The following ARMH4 variants were observed in gnomAD, a reference collection of about 807,000 sequenced individuals.
The protein encoded by ARMH4 is armadillo-like helical domain-containing protein 4.
A neutral mutation model predicts 61.9 loss-of-function variants in ARMH4; 49 were observed. The observed-to-expected ratio is 0.79, with a 90% CI of 0.63 to 1.00. The LOEUF (loss-of-function observed/expected upper bound fraction) is 1.00, where lower values mean the gene tolerates loss of function less well. ARMH4 is among the 50% of genes least tolerant of loss of function. ARMH4 has a pLI of 0.00. For synonymous variants in ARMH4, 368 were observed against 341.5 expected, an observed-to-expected ratio of 1.08 and a Z score of -0.85; for missense variants, 934 against 930.0, an observed-to-expected ratio of 1.00 and a Z score of -0.06.
chr14:58,111,903 G>A (rs1046362009), intron 4 of ARMH4, among the ~76,000 whole-genome samples: 1 of 151,870 alleles, frequency 6.6e-6, no homozygotes, highest in Admixed American at 6.6e-5. Context: ...TCGGTGACCA[G>A]GCTGGTCTCA....
chr14:58,107,389 A>T (rs1028822777), intron 4 of ARMH4, among the ~76,000 whole-genome samples: 1 of 152,134 alleles, frequency 6.6e-6, no homozygotes, highest in South Asian at 2.1e-4. Context: ...TCTTTTGCCT[A>T]TTTATTCATG....
chr14:58,082,230 T>A (rs1885251516), intron 5 of ARMH4, among the ~76,000 whole-genome samples: 3 of 152,200 alleles, frequency 2.0e-5, no homozygotes, highest in Non-Finnish European at 4.4e-5. Context: ...TTCCTTTTCC[T>A]CAAATACAGT....
intron 5 of ARMH4, among the ~76,000 whole-genome samples, chr14:58,031,587 G>A (rs1015492515): frequency 6.6e-6 from 1 of 152,148 alleles, no homozygotes; most frequent in African/African-American, 2.4e-5. Context: ...ACTTGTGCGA[G>A]GTTTTATACT....
chr14:58,119,844 A>C (rs1886663625), intron 4 of ARMH4, among the ~76,000 whole-genome samples: 1 of 152,194 alleles, frequency 6.6e-6, no homozygotes, highest in African/African-American at 2.4e-5. Context: ...GGTTGATTGC[A>C]CGGCTATAAA....
intron 5 of ARMH4, among the ~76,000 whole-genome samples, chr14:58,049,238 CAA>C (rs535936500): frequency 1.4e-4 from 9 of 64,012 alleles, no homozygotes; most frequent in Non-Finnish European, 2.3e-4. Flanking sequence ...GACTCCGTCC[CAA>C]AAAAAAAAAA....
chr14:58,097,782 C>G (rs1391589594), intron 4 of ARMH4, among the ~76,000 whole-genome samples: 1 of 151,498 alleles, frequency 6.6e-6, no homozygotes, highest in Non-Finnish European at 1.5e-5. Context: ...CATGGTTCAC[C>G]ACAGTCTCAG....
At position 58,004,286 on chromosome 14, in the gene ARMH4, T is replaced by C. The variant is rs1286790751; in HGVS notation, c.*450A>G. 1 of 154,550 alleles carries C rather than the reference T, an allele frequency of 6.5e-6. No homozygotes were observed. The highest frequency in any genetic ancestry group is 6.4e-5 in the Admixed American group (1 of 15,706). 9.6% of individuals were successfully genotyped at this position (154,550 alleles called of 1,614,324 possible). On this transcript the variant is annotated 3_prime_UTR_variant, in exon 8 of 8. Coordinates refer to ENST00000267485, the MANE Select transcript of ARMH4 (RefSeq NM_001001872.4). Reference sequence around the variant, plus strand: ...GTATGTACCATGGCCCACAACCCTGTGGTTTCAAGTAGGTAGAGTATATCT... The same window carrying C: ...GTATGTACCATGGCCCACAACCCTGCGGTTTCAAGTAGGTAGAGTATATCT...
intron 5 of ARMH4, among the ~76,000 whole-genome samples, chr14:58,042,498 G>A (rs905766468): frequency 2.6e-5 from 4 of 152,022 alleles, no homozygotes; most frequent in Non-Finnish European, 1.5e-5. Context: ...GAGAAAGCAG[G>A]AAAGATCTAA....
Position 58,003,245 on chromosome 14 carries a change from G to C in ARMH4, c.*1491C>G, listed in dbSNP as rs1345647664. ...CACCAAAGTCTATGAAAAGGTTACT[G>C]AACTGAAGATAAGGGTGCATGGCTG... On this transcript the variant is annotated 3_prime_UTR_variant, in exon 8 of 8. Transcript: ENST00000267485. 2 of 152,210 alleles carry C rather than the reference G, an allele frequency of 1.3e-5. No individual in the cohort carries two copies. Among genetic ancestry groups the C allele is most frequent in the East Asian group, 3.9e-4 (2 of 5,192 alleles). The allele number at this position is 152,210 out of a possible 1,614,324, so 9.4% of individuals were successfully genotyped here.
intron 2 of ARMH4, 120 bp downstream of exon 2, chr14:58,137,870 A>G: frequency 1.0e-6 from 1 of 1,001,082 alleles, no homozygotes; most frequent in South Asian, 1.7e-5. Flanking sequence ...TATAGGCATG[A>G]GCTGCTGCAC....
At chr14:58,146,689 G>A (rs1244173379) in intron 1 of ARMH4, among the ~76,000 whole-genome samples, 2 of 152,148 alleles carry the variant, frequency 1.3e-5, no homozygotes, top group African/African-American at 4.8e-5. Flanking sequence ...ACAAACGAAA[G>A]GCAACATAAA....
intron 4 of ARMH4, among the ~76,000 whole-genome samples, chr14:58,108,219 C>G (rs565805122): frequency 1.3e-5 from 2 of 152,200 alleles, no homozygotes; most frequent in Non-Finnish European, 2.9e-5. Context: ...AATCCAGCAA[C>G]TCACAGTTAA....
In ARMH4 at chr14:58,139,080, G is replaced by C. The variant is rs756141560; in HGVS notation, c.279C>G (p.Asn93Lys). The C allele has an allele frequency of 5.0e-6, 8 of 1,614,090 alleles. No homozygotes were observed. In the Admixed American group the frequency reaches 1.3e-4, roughly 27 times the overall value. The change falls in exon 2 of 8, where the codon AAC (asparagine) becomes AAG (lysine). Residue 93 changes from asparagine to lysine, a missense_variant. Coordinates refer to ENST00000267485, the MANE Select transcript of ARMH4 (RefSeq NM_001001872.4). ...ATSLNKAFSI[N>K]KETQPGQAGL... ...CAGCTTGTCCAGGCTGGGTTTCTTT[G>C]TTAATCGAGAATGCTTTATTTAATG... is the stretch of plus-strand genomic sequence containing the variant.
At chr14:58,090,167 T>A (rs996784577) in intron 5 of ARMH4, among the ~76,000 whole-genome samples, 20 of 152,176 alleles carry the variant, frequency 1.3e-4, no homozygotes, top group African/African-American at 4.1e-4. Flanking sequence ...AAGACAGCTA[T>A]AATAATTCTC....
At chr14:58,096,137 C>T (rs1290638271) in intron 5 of ARMH4, among the ~76,000 whole-genome samples, 1 of 152,102 alleles carries the variant, frequency 6.6e-6, no homozygotes, top group Non-Finnish European at 1.5e-5. Context: ...AGTGGTCTGG[C>T]CACCCTAGCT....
intron 5 of ARMH4, among the ~76,000 whole-genome samples, chr14:58,095,106 G>A (rs540728177): frequency 2.6e-5 from 4 of 152,094 alleles, no homozygotes; most frequent in Non-Finnish European, 4.4e-5. Flanking sequence ...ACTCAAAGAT[G>A]GTAAGTCCAC....
intron 5 of ARMH4, among the ~76,000 whole-genome samples, chr14:58,090,788 G>A (rs1289980324): frequency 1.3e-5 from 2 of 150,734 alleles, no homozygotes; most frequent in African/African-American, 2.4e-5. Context: ...GCTGAAGCAG[G>A]AGAATCGCTT....
Position 58,096,941 on chromosome 14 carries a change from T to TTCATCTTCTTCATCCTCTTCATCC in ARMH4, c.1848_1871dup (p.Asp620_Glu627dup). On this transcript the variant is annotated inframe_insertion, in exon 5 of 8. Transcript: ENST00000267485. ...CTTCCTCATCTTCCTCTTCTTCATC[T>TTCATCTTCTTCATCCTCTTCATCC]TCATCTTCTTCATCCTCTTCATCCT... 1.2e-6 allele frequency: 2 copies of TTCATCTTCTTCATCCTCTTCATCC among 1,613,032 alleles called. No individual in the cohort carries two copies. The highest frequency in any genetic ancestry group is 8.5e-7 in the Non-Finnish European group (1 of 1,179,732).
chr14:58,039,614 T>C (rs1883614560), intron 5 of ARMH4, among the ~76,000 whole-genome samples: 2 of 152,202 alleles, frequency 1.3e-5, no homozygotes, highest in Admixed American at 1.3e-4. Flanking sequence ...CTGACAGCAG[T>C]GGCTCATTAA....
Sources: allele counts gnomAD v4.1 joint callset (sites outside exome capture counted in the v4.1 genomes callset), GRCh38; gene constraint gnomAD v4.1.1; transcripts MANE v1.5; gene names NCBI Gene and HGNC (gene_info 2026-07-23, HGNC 2026-07-21).